B3GALT1: variants seen among roughly 807,000 people sequenced by gnomAD.
The protein encoded by B3GALT1 is UDP-Gal:betaGlcNAc beta 1,3-galactosyltransferase, polypeptide 1.
Under a neutral mutation model 23.2 loss-of-function variants are expected in B3GALT1, and 10 were observed. The observed-to-expected ratio is 0.43, with a 90% confidence interval of 0.27 to 0.73. The LOEUF is 0.73. Among genes scored for constraint, B3GALT1 ranks in the 30% least tolerant of loss-of-function variants. B3GALT1 has a pLI of 0.21. For missense variants in B3GALT1, 299 were observed against 405.4 expected, an observed-to-expected ratio of 0.74 and a Z score of 2.25; for synonymous variants, 156 against 141.5, an observed-to-expected ratio of 1.10 and a Z score of -0.73.
chr2:167,372,045 A>T (rs2105270284), intron 1 of B3GALT1, among the ~76,000 whole-genome samples: 1 of 152,006 alleles, frequency 6.6e-6, no homozygotes, highest in Admixed American at 6.5e-5. Context: ...TTATAATAAA[A>T]ATATTTTCAC....
chr2:167,607,739 G>A lies in B3GALT1; in HGVS notation c.-409-39170G>A, dbSNP rs182435247. Among the ~76,000 whole-genome samples the A allele has an allele frequency of 3.9e-5, 6 of 152,264 alleles. No individual in the cohort carries two copies. In the East Asian group the frequency reaches 9.7e-4, roughly 25 times the overall value. ...TTTGAGAACAAATGTTGAATTTTTAGTGTGGGCTCCTACTACAATTTCACT... is the reference window on the plus strand; with the variant it reads ...TTTGAGAACAAATGTTGAATTTTTAATGTGGGCTCCTACTACAATTTCACT... On this transcript the variant is annotated intron_variant, in intron 2 of 4. Coordinates refer to ENST00000392690, the MANE Select transcript of B3GALT1 (RefSeq NM_020981.4).
intron 2 of B3GALT1, among the ~76,000 whole-genome samples, chr2:167,598,441 A>G (rs777581005): frequency 6.6e-6 from 1 of 152,206 alleles, no homozygotes; most frequent in Non-Finnish European, 1.5e-5. Context: ...AGGATTCAAT[A>G]TGAATTGCCT....
chr2:167,616,652 G>A (rs796850847), intron 2 of B3GALT1, among the ~76,000 whole-genome samples: 86 of 152,048 alleles, frequency 5.7e-4, no homozygotes, highest in African/African-American at 1.5e-3. Flanking sequence ...CCGAGATCAC[G>A]CCATTACACT....
intron 2 of B3GALT1, among the ~76,000 whole-genome samples, chr2:167,545,834 T>G (rs1316207605): frequency 6.6e-6 from 1 of 152,230 alleles, no homozygotes; most frequent in Non-Finnish European, 1.5e-5. Flanking sequence ...CCAAAATGCT[T>G]GGAACCCAAA....
intron 2 of B3GALT1, among the ~76,000 whole-genome samples, chr2:167,529,117 A>T (rs545733311): frequency 6.6e-6 from 1 of 152,132 alleles, no homozygotes; most frequent in Non-Finnish European, 1.5e-5. Context: ...GTGTCAAAAA[A>T]TTTGACACTT....
At chr2:167,846,684 T>C (rs1211184711) in intron 4 of B3GALT1, among the ~76,000 whole-genome samples, 1 of 151,828 alleles carries the variant, frequency 6.6e-6, no homozygotes, top group Non-Finnish European at 1.5e-5. Context: ...AAAACAAAAA[T>C]ATAATTTAAA....
chr2:167,663,652 TCTAA>T (rs1438338250), intron 3 of B3GALT1, among the ~76,000 whole-genome samples: 1 of 149,672 alleles, frequency 6.7e-6, no homozygotes, highest in Admixed American at 6.6e-5. Context: ...TGATTGCCAT[TCTAA>T]CTGTTGTGAG....
At chr2:167,304,504 A>G (rs1216656310) in intron 1 of B3GALT1, among the ~76,000 whole-genome samples, 1 of 152,124 alleles carries the variant, frequency 6.6e-6, no homozygotes. Flanking sequence ...AGATCCCAGA[A>G]CCAATTCAGA....
intron 3 of B3GALT1, among the ~76,000 whole-genome samples, chr2:167,816,687 G>A (rs1688997639): frequency 1.3e-5 from 2 of 152,084 alleles, no homozygotes; most frequent in Non-Finnish European, 2.9e-5. Context: ...ACAAAAGCAA[G>A]GAAATGTTTT....
chr2:167,342,959 A>G lies in B3GALT1; in HGVS notation c.-511+49625A>G, dbSNP rs530401776. 3.2e-4 allele frequency among the ~76,000 whole-genome samples: 48 copies of G among 152,300 alleles called. 1 individual carries two copies. The South Asian group carries it at 8.9e-3, about 28-fold the overall frequency. ...GCAAGTGAGCTCTTACAGTGGCCCA[A>G]ACACATATCACCTCAAGGGGGCATT... On this transcript the variant is annotated intron_variant, in intron 1 of 4. Transcript: ENST00000392690.
Position 167,717,174 on chromosome 2 carries a change from C to T in B3GALT1, c.-352+70208C>T, listed in dbSNP as rs558367361. Among the ~76,000 whole-genome samples the T allele has an allele frequency of 3.2e-3, 446 of 141,324 alleles. 8 individuals are homozygous for T. The South Asian group carries it at 0.039, about 12-fold the overall frequency. 92.7% of individuals were successfully genotyped at this position (141,324 alleles called of 152,430 possible). On this transcript the variant is annotated intron_variant, in intron 3 of 4. Transcript: ENST00000392690. ...TTTCCTTTATATTGATCATAGATAT[C>T]ATGATGCCCTATCTATTTTTTCTTT...
chr2:167,633,064 C>T (rs2105448859), intron 2 of B3GALT1, among the ~76,000 whole-genome samples: 1 of 151,934 alleles, frequency 6.6e-6, no homozygotes, highest in East Asian at 1.9e-4. Flanking sequence ...ATCCTTTCCC[C>T]ATTGTTTGAA....
At chr2:167,650,389 TATAC>T (rs1685840972) in intron 3 of B3GALT1, among the ~76,000 whole-genome samples, 1 of 151,026 alleles carries the variant, frequency 6.6e-6, no homozygotes, top group Admixed American at 6.6e-5. Flanking sequence ...TCATGTTATA[TATAC>T]ATAATCCCTT....
At position 167,636,774 on chromosome 2, in the gene B3GALT1, G is replaced by A. The variant is rs542569840; in HGVS notation, c.-409-10135G>A. ...ACCGCATGTTCTCACTCATAAGTGG[G>A]AGTTGAACAATGAGAACACATGGAC... On this transcript the variant is annotated intron_variant, in intron 2 of 4. Transcript: ENST00000392690. 7.9e-5 allele frequency among the ~76,000 whole-genome samples: 12 copies of A among 152,162 alleles called. No individual in the cohort carries two copies. The South Asian group carries it at 2.3e-3, about 29-fold the overall frequency.
chr2:167,408,738 A>G (rs919283498), intron 1 of B3GALT1, among the ~76,000 whole-genome samples: 1 of 151,702 alleles, frequency 6.6e-6, no homozygotes, highest in Non-Finnish European at 1.5e-5. Flanking sequence ...CCCATTTCCA[A>G]TAGCTACAAA....
chr2:167,313,967 A>G (rs568530244), intron 1 of B3GALT1, among the ~76,000 whole-genome samples: 1 of 152,232 alleles, frequency 6.6e-6, no homozygotes, highest in Non-Finnish European at 1.5e-5. Flanking sequence ...ATAGTAACGC[A>G]GGTTTGTCAG....
At chr2:167,452,572 G>A (rs1209263873) in intron 1 of B3GALT1, among the ~76,000 whole-genome samples, 1 of 152,116 alleles carries the variant, frequency 6.6e-6, no homozygotes, top group East Asian at 1.9e-4. Context: ...GCCTGCAGGA[G>A]CAATCCATTT....
chr2:167,832,615 A>G (rs1257313563), intron 4 of B3GALT1, among the ~76,000 whole-genome samples: 1 of 152,252 alleles, frequency 6.6e-6, no homozygotes, highest in Non-Finnish European at 1.5e-5. Flanking sequence ...TTGCATAACT[A>G]TGCAAACATA....
intron 3 of B3GALT1, among the ~76,000 whole-genome samples, chr2:167,666,897 T>C (rs1009887021): frequency 6.6e-6 from 1 of 152,220 alleles, no homozygotes; most frequent in African/African-American, 2.4e-5. Context: ...GTCTTGACTC[T>C]TTATCCAATT....
Sources: allele counts gnomAD v4.1 joint callset (sites outside exome capture counted in the v4.1 genomes callset), GRCh38; gene constraint gnomAD v4.1.1; transcripts MANE v1.5; gene names NCBI Gene and HGNC (gene_info 2026-07-23, HGNC 2026-07-21).